NYAP2: variants seen among roughly 807,000 people sequenced by gnomAD.
NYAP2 encodes the protein neuronal tyrosine-phosphorylated phosphoinositide-3-kinase adaptor 2.
NYAP2 carries 23 observed loss-of-function variants against 50.4 expected under a neutral mutation model. That is an observed-to-expected ratio of 0.46 (90% CI 0.33 to 0.65). NYAP2 has a LOEUF of 0.65. Among genes scored for constraint, NYAP2 ranks in the 30% least tolerant of loss-of-function variants. The probability of loss-of-function intolerance (pLI) is 0.02; values close to 1 mark genes in which losing one functional copy is unlikely to be tolerated. For missense variants in NYAP2, 885 were observed against 861.0 expected (o/e 1.03, Z -0.35); for synonymous variants, 394 against 365.2 (o/e 1.08, Z -0.90).
intron 4 of NYAP2, among the ~76,000 whole-genome samples, chr2:225,581,683 T>C (rs1161371083): frequency 6.6e-6 from 1 of 152,166 alleles, no homozygotes; most frequent in Non-Finnish European, 1.5e-5. Context: ...AGGAAAGGGG[T>C]GAACAGTCCT....
intron 3 of NYAP2, among the ~76,000 whole-genome samples, chr2:225,419,135 A>G (rs1695173206): frequency 6.6e-6 from 1 of 152,188 alleles, no homozygotes; most frequent in Admixed American, 6.5e-5. Flanking sequence ...TCTAAGAGCT[A>G]TATGATCCAC....
chr2:225,475,375 G>A (rs911953344), intron 3 of NYAP2, among the ~76,000 whole-genome samples: 1 of 152,162 alleles, frequency 6.6e-6, no homozygotes, highest in Non-Finnish European at 1.5e-5. Flanking sequence ...CCCCTGGTGG[G>A]AGGAGTTAAA....
chr2:225,551,194 GGTATCCTA>G (rs1691668627), intron 4 of NYAP2, among the ~76,000 whole-genome samples: 1 of 152,166 alleles, frequency 6.6e-6, no homozygotes, highest in Non-Finnish European at 1.5e-5. Context: ...TTCACCTTCT[GGTATCCTA>G]GTATAGTCTC....
the NYAP2 span, among the ~76,000 whole-genome samples, chr2:225,689,389 TAA>T: frequency 6.6e-6 from 1 of 152,176 alleles, no homozygotes; most frequent in Non-Finnish European, 1.5e-5. Context: ...TACATAAAAA[TAA>T]ATAGTATATA....
the NYAP2 span, among the ~76,000 whole-genome samples, chr2:225,670,132 C>A: frequency 6.6e-6 from 1 of 152,116 alleles, no homozygotes; most frequent in African/African-American, 2.4e-5. Context: ...TGACCAAATC[C>A]ATTTTGTACA....
At chr2:225,648,758 T>C (rs1473077347) in intron 6 of NYAP2, among the ~76,000 whole-genome samples, 1 of 152,096 alleles carries the variant, frequency 6.6e-6, no homozygotes, top group Non-Finnish European at 1.5e-5. Context: ...TGAAGCAATG[T>C]AGACAGCCTA....
intron 4 of NYAP2, among the ~76,000 whole-genome samples, chr2:225,528,009 C>T (rs191924324): frequency 1.3e-5 from 2 of 152,224 alleles, no homozygotes; most frequent in Admixed American, 6.5e-5. Flanking sequence ...ACTGGAAAAT[C>T]GCTTCACCTT....
chr2:225,610,815 G>A (rs945891422), intron 5 of NYAP2, among the ~76,000 whole-genome samples: 1 of 152,122 alleles, frequency 6.6e-6, no homozygotes, highest in South Asian at 2.1e-4. Context: ...CATTACATGA[G>A]CCTTCTAAAC....
At chr2:225,520,315 G>C (rs1691024967) in intron 4 of NYAP2, among the ~76,000 whole-genome samples, 1 of 152,030 alleles carries the variant, frequency 6.6e-6, no homozygotes, top group South Asian at 2.1e-4. Flanking sequence ...TGTTGCCACT[G>C]CTTTTGGTGT....
chr2:225,453,737 G>C (rs1202713912), intron 3 of NYAP2, among the ~76,000 whole-genome samples: 1 of 151,066 alleles, frequency 6.6e-6, no homozygotes, highest in Non-Finnish European at 1.5e-5. Flanking sequence ...GTGTGATCTC[G>C]GCTCACTGCA....
intron 5 of NYAP2, among the ~76,000 whole-genome samples, chr2:225,606,420 A>G (rs1349702599): frequency 3.3e-5 from 5 of 152,132 alleles, no homozygotes; most frequent in African/African-American, 1.2e-4. Context: ...TGCAACAGGA[A>G]CTTCGATTTT....
chr2:225,503,092 T>A (rs900925284), intron 3 of NYAP2, among the ~76,000 whole-genome samples: 1 of 152,204 alleles, frequency 6.6e-6, no homozygotes, highest in Admixed American at 6.5e-5. Context: ...TTCTAGTTTC[T>A]ACTTCTAGGT....
chr2:225,583,529 T>C (rs1178652502), intron 5 of NYAP2, among the ~76,000 whole-genome samples: 1 of 152,046 alleles, frequency 6.6e-6, no homozygotes, highest in Non-Finnish European at 1.5e-5. Context: ...CATTTTTAAA[T>C]AGGAAATGTT....
intron 4 of NYAP2, among the ~76,000 whole-genome samples, chr2:225,519,869 C>T (rs1262317365): frequency 6.6e-6 from 1 of 152,158 alleles, no homozygotes; most frequent in East Asian, 1.9e-4. Flanking sequence ...AAGGGTTGAA[C>T]TAGTTTACAC....
chr2:225,673,856 GAAC>G, the NYAP2 span, among the ~76,000 whole-genome samples: 1 of 152,126 alleles, frequency 6.6e-6, no homozygotes, highest in African/African-American at 2.4e-5. Context: ...AGTATGAAAA[GAAC>G]AAAGCCGTCT....
Position 225,582,653 on chromosome 2 carries a change from G to A in NYAP2, c.1236G>A (p.Ser412=), listed in dbSNP as rs574157216. 4.1e-5 allele frequency: 66 copies of A among 1,595,258 alleles called. No homozygotes were observed. The highest frequency in any genetic ancestry group is 5.2e-5 in the Non-Finnish European group (61 of 1,170,914). ...CCTCTGCCACCCCTGCGCTCTCCTC[G>A]TCGCCCCCACCCCCGTCTACGCTGT... The change falls in exon 5 of 7, where the codon TCG becomes TCA. Residue 412 remains serine, a synonymous_variant. Transcript: ENST00000636099. The surrounding 1 kb of genome is among the most constrained non-coding windows in gnomAD (Gnocchi z 7.0).
exon 7 of NYAP2, chr2:225,653,991 C>G (rs572895388): frequency 6.0e-5 from 9 of 150,338 alleles, no homozygotes; most frequent in Admixed American, 2.0e-4. Context: ...TGCACTCCAG[C>G]CTGGGTGACA....
intron 3 of NYAP2, among the ~76,000 whole-genome samples, chr2:225,425,241 G>T (rs1374911615): frequency 6.6e-6 from 1 of 152,164 alleles, no homozygotes; most frequent in Non-Finnish European, 1.5e-5. Context: ...ACAGCCATCT[G>T]CCAGCCTGGT....
At chr2:225,639,788 A>G (rs544369529) in intron 6 of NYAP2, among the ~76,000 whole-genome samples, 42 of 152,358 alleles carry the variant, frequency 2.8e-4, no homozygotes, top group African/African-American at 1.0e-3. Context: ...AACTGTAATT[A>G]CAATCGGTGA....
Sources: allele counts gnomAD v4.1 joint callset (sites outside exome capture counted in the v4.1 genomes callset), GRCh38; gene constraint gnomAD v4.1.1; non-coding constraint Gnocchi (gnomAD v3.1); transcripts MANE v1.5; gene names NCBI Gene and HGNC (gene_info 2026-07-23, HGNC 2026-07-21).